TAF4B: variants seen among roughly 807,000 people sequenced by gnomAD.
TAF4B encodes the protein transcription initiation factor TFIID subunit 4B.
In TAF4B, 38 loss-of-function variants were observed where a neutral mutation model predicts 86.4. That is an observed-to-expected ratio of 0.44 (90% CI 0.34 to 0.58). The LOEUF is 0.58. Among genes scored for constraint, TAF4B ranks in the 20% least tolerant of loss-of-function variants. The pLI is 0.02. For missense variants in TAF4B, 988 were observed against 1,027.6 expected, an observed-to-expected ratio of 0.96 and a Z score of 0.53; for synonymous variants, 388 against 391.2, an observed-to-expected ratio of 0.99 and a Z score of 0.10.
At chr18:26,358,569 A>G (rs1036068865) in intron 14 of TAF4B, among the ~76,000 whole-genome samples, 15 of 152,094 alleles carry the variant, frequency 9.9e-5, no homozygotes, top group Admixed American at 7.9e-4. Flanking sequence ...AATTAGCCGA[A>G]CGTGGTGGCG....
intron 9 of TAF4B, among the ~76,000 whole-genome samples, chr18:26,302,068 A>G (rs1395347507): frequency 2.0e-5 from 3 of 152,166 alleles, no homozygotes; most frequent in African/African-American, 7.2e-5. Context: ...TGGCTTTATT[A>G]GTTTCTTGTC....
chr18:26,231,026 T>C (rs1048418584), intron 1 of TAF4B, among the ~76,000 whole-genome samples: 1 of 144,264 alleles, frequency 6.9e-6, no homozygotes, highest in African/African-American at 2.7e-5. Context: ...TTGTGGTGTG[T>C]TGTTTTGCTT....
intron 10 of TAF4B, among the ~76,000 whole-genome samples, chr18:26,315,849 T>TATATC (rs2056905647): frequency 6.6e-6 from 1 of 152,046 alleles, no homozygotes. Context: ...TAGATTAGAG[T>TATATC]CTTAGGGTCC....
At chr18:26,242,853 T>A (rs1296066578) in intron 1 of TAF4B, among the ~76,000 whole-genome samples, 1 of 152,050 alleles carries the variant, frequency 6.6e-6, no homozygotes, top group Non-Finnish European at 1.5e-5. Context: ...AAGCTTAGTT[T>A]GGCTGGATAT....
Position 26,256,366 on chromosome 18 carries a change from C to G in TAF4B, c.344-8804C>G, listed in dbSNP as rs55808439. 2,616 of 1,426,150 alleles carry G rather than the reference C, an allele frequency of 1.8e-3. 40 individuals carry two copies. In the African/African-American group the frequency reaches 0.032, roughly 17 times the overall value. 88.3% of individuals were successfully genotyped at this position (1,426,150 alleles called of 1,614,324 possible). A position where few individuals can be genotyped will look rare whatever the true frequency, so the allele number is the denominator to read the frequency against. ...GTGTGAAAACCAAACATCTTTTCTT[C>G]TGGGCAAAAGTCTTCCAAAAGCAGC... is the stretch of plus-strand genomic sequence containing the variant. On this transcript the variant is annotated intron_variant, in intron 1 of 14. Transcript: ENST00000269142.
At chr18:26,375,327 G>T (rs542727905) in intron 14 of TAF4B, among the ~76,000 whole-genome samples, 1 of 152,084 alleles carries the variant, frequency 6.6e-6, no homozygotes, top group East Asian at 1.9e-4. Context: ...AAGGACATTT[G>T]GTTGTTTATA....
chr18:26,341,781 G>A (rs1386427406), intron 13 of TAF4B, among the ~76,000 whole-genome samples: 1 of 152,116 alleles, frequency 6.6e-6, no homozygotes, highest in East Asian at 1.9e-4. Context: ...AAAAGATCTT[G>A]TATTTCGGTT....
At chr18:26,340,691 G>A (rs1215472992) in intron 13 of TAF4B, among the ~76,000 whole-genome samples, 1 of 152,098 alleles carries the variant, frequency 6.6e-6, no homozygotes, top group Non-Finnish European at 1.5e-5. Context: ...ATTACCAGAT[G>A]TTGCTGCTAT....
In TAF4B at chr18:26,286,335, G is replaced by A; in HGVS notation, c.1426G>A (p.Gly476Ser). The A allele has an allele frequency of 6.2e-7, 1 of 1,614,194 alleles. No homozygotes were observed. Among genetic ancestry groups the A allele is most frequent in the Non-Finnish European group, 8.5e-7 (1 of 1,180,042 alleles). Residue 476 changes from glycine (G) to serine (S), a missense_variant, in exon 7 of 15, where the codon GGT becomes AGT. Gly to Ser is a moderately conservative substitution (Grantham distance 56, BLOSUM62 0). Transcript: ENST00000269142. Reference sequence around the variant, plus strand: ...AGCAGTAACTTTTGGAGAAACTTCAGGTGCAGCTATTTGTCTTCCATCTGT... The same window carrying A: ...AGCAGTAACTTTTGGAGAAACTTCAAGTGCAGCTATTTGTCTTCCATCTGT... ...LPAVTFGETSGAAICLPSVKP... is the reference protein window; with the variant it reads ...LPAVTFGETSSAAICLPSVKP...
chr18:26,333,064 A>G (rs950282130), intron 12 of TAF4B, among the ~76,000 whole-genome samples: 1 of 151,528 alleles, frequency 6.6e-6, no homozygotes, highest in Non-Finnish European at 1.5e-5. Flanking sequence ...TGTTGTTTAG[A>G]TATCTACTCA....
In TAF4B at chr18:26,226,780, G is replaced by C. The variant is rs1211010380; in HGVS notation, c.-154G>C. 2 of 534,194 alleles carry C rather than the reference G, an allele frequency of 3.7e-6. No homozygotes were observed. The highest frequency in any genetic ancestry group is 4.0e-5 in the African/African-American group (2 of 49,928). 33.1% of individuals were successfully genotyped at this position (534,194 alleles called of 1,614,324 possible). On this transcript the variant is annotated 5_prime_UTR_variant, in exon 1 of 15. Transcript: ENST00000269142. The stretch of plus-strand genomic sequence containing the variant: ...GCGCGTGTCCTGCCGTGCAGCGGGC[G>C]CCCGTCACTGACTTCGCTGCTGCGG...
chr18:26,235,101 A>G (rs1205160032), intron 1 of TAF4B, among the ~76,000 whole-genome samples: 3 of 152,160 alleles, frequency 2.0e-5, no homozygotes, highest in Non-Finnish European at 4.4e-5. Flanking sequence ...TGTGGCGTAT[A>G]AAGAGAAGTT....
intron 6 of TAF4B, among the ~76,000 whole-genome samples, chr18:26,282,376 T>C (rs1185715658): frequency 6.6e-6 from 1 of 152,206 alleles, no homozygotes; most frequent in Non-Finnish European, 1.5e-5. Flanking sequence ...AAAGCTAATA[T>C]CACAATAAAG....
At chr18:26,292,479 G>A in intron 8 of TAF4B, 98 bp downstream of exon 8, 1 of 1,305,604 alleles carries the variant, frequency 7.7e-7, no homozygotes, top group East Asian at 2.5e-5. Context: ...GAGAGGTTTG[G>A]TCTTTTAAAG....
intron 9 of TAF4B, among the ~76,000 whole-genome samples, chr18:26,294,897 T>G (rs898543470): frequency 1.3e-5 from 2 of 150,180 alleles, no homozygotes; most frequent in Non-Finnish European, 3.0e-5. Flanking sequence ...TTACACACAT[T>G]TCTTAGATAA....
intron 13 of TAF4B, among the ~76,000 whole-genome samples, chr18:26,346,795 ATATGTG>A (rs1426915798): frequency 2.7e-3 from 67 of 25,020 alleles, no homozygotes; most frequent in Non-Finnish European, 4.8e-3. Flanking sequence ...ATATATATAT[ATATGTG>A]TATATATATA....
chr18:26,380,272 C>A (rs1321695624), intron 14 of TAF4B, among the ~76,000 whole-genome samples: 3 of 150,172 alleles, frequency 2.0e-5, no homozygotes, highest in Non-Finnish European at 1.5e-5. Context: ...TTACACATTT[C>A]TTTTCTACAT....
intron 3 of TAF4B, among the ~76,000 whole-genome samples, chr18:26,273,345 A>G (rs549313880): frequency 6.6e-6 from 1 of 152,140 alleles, no homozygotes; most frequent in Non-Finnish European, 1.5e-5. Flanking sequence ...ATGGTATTTA[A>G]TATTTTTATT....
chr18:26,385,177 A>C (rs547403192), intron 14 of TAF4B, among the ~76,000 whole-genome samples: 1 of 152,310 alleles, frequency 6.6e-6, no homozygotes, highest in East Asian at 1.9e-4. Flanking sequence ...AAGTAGAAAA[A>C]TCTTTAAAGG....
Sources: allele counts gnomAD v4.1 joint callset (sites outside exome capture counted in the v4.1 genomes callset), GRCh38; gene constraint gnomAD v4.1.1; transcripts MANE v1.5; gene names NCBI Gene and HGNC (gene_info 2026-07-23, HGNC 2026-07-21).